OR1J2: variants seen among roughly 807,000 people sequenced by gnomAD.
OR1J2 encodes the protein olfactory receptor family 1 subfamily J member 2.
For missense variants in OR1J2, 304 were observed against 246.1 expected, an observed-to-expected ratio of 1.24 and a Z score of -1.57; for synonymous variants, 142 against 99.7, an observed-to-expected ratio of 1.42 and a Z score of -2.52.
At chr9:122,512,071 A>C (rs1222984420), downstream of OR1J2, among the ~76,000 whole-genome samples, 1 of 152,204 alleles carries the variant, frequency 6.6e-6, no homozygotes, top group Non-Finnish European at 1.5e-5. Flanking sequence ...CTATAATCCC[A>C]GGCTTTAACA....
chr9:122,485,413 G>A, the OR1J2 span, among the ~76,000 whole-genome samples: 20 of 152,200 alleles, frequency 1.3e-4, 1 homozygote. Flanking sequence ...TGTAGAAAAT[G>A]AGTGATAGAA....
chr9:122,539,684 C>T, the OR1J2 span, among the ~76,000 whole-genome samples: 11 of 152,234 alleles, frequency 7.2e-5, no homozygotes, highest in East Asian at 7.7e-4. Context: ...CCTGAGGAAT[C>T]GCCACACTGA....
chr9:122,571,016 T>A, the OR1J2 span, among the ~76,000 whole-genome samples: 1 of 152,204 alleles, frequency 6.6e-6, no homozygotes, highest in Non-Finnish European at 1.5e-5. Context: ...CCTCTTCATA[T>A]TTTGGTAAAG....
At chr9:122,484,036 C>T in the OR1J2 span, among the ~76,000 whole-genome samples, 1 of 151,428 alleles carries the variant, frequency 6.6e-6, no homozygotes, top group African/African-American at 2.4e-5. Context: ...AAAAGCATGG[C>T]TTCATGAAGT....
the OR1J2 span, among the ~76,000 whole-genome samples, chr9:122,565,267 C>G: frequency 6.6e-6 from 1 of 152,140 alleles, no homozygotes. Context: ...GTGAATAGAC[C>G]TCTATGAATG....
the OR1J2 span, among the ~76,000 whole-genome samples, chr9:122,463,931 A>C: frequency 6.6e-6 from 1 of 152,230 alleles, no homozygotes; most frequent in African/African-American, 2.4e-5. Flanking sequence ...TTTCAAGAGC[A>C]CATGAGCTAC....
At chr9:122,484,920 G>A in the OR1J2 span, among the ~76,000 whole-genome samples, 1 of 152,100 alleles carries the variant, frequency 6.6e-6, no homozygotes, top group African/African-American at 2.4e-5. Context: ...TGTGGTCCCA[G>A]CTACTCAGGA....
chr9:122,543,348 A>T, the OR1J2 span, among the ~76,000 whole-genome samples: 1 of 152,142 alleles, frequency 6.6e-6, no homozygotes, highest in Admixed American at 6.5e-5. Context: ...GACCATAGGC[A>T]TGTGCTACCA....
chr9:122,514,025 C>T (rs1828669971), downstream of OR1J2, among the ~76,000 whole-genome samples: 1 of 152,078 alleles, frequency 6.6e-6, no homozygotes. Flanking sequence ...GAAATGCAAA[C>T]ATGGTGACAA....
At chr9:122,460,702 C>T in the OR1J2 span, among the ~76,000 whole-genome samples, 15 of 152,048 alleles carry the variant, frequency 9.9e-5, no homozygotes, top group East Asian at 1.7e-3. Flanking sequence ...TTGCTTTGGG[C>T]GGTATGGTCA....
the OR1J2 span, among the ~76,000 whole-genome samples, chr9:122,564,405 G>A: frequency 6.6e-6 from 1 of 152,102 alleles, no homozygotes; most frequent in Non-Finnish European, 1.5e-5. Context: ...TTGTGGAGTG[G>A]GGGGGTATTA....
the OR1J2 span, chr9:122,578,299 A>C: frequency 0.14 from 20,607 of 152,072 alleles, 1,519 homozygotes; most frequent in Middle Eastern, 0.21. Flanking sequence ...AAATACAAAA[A>C]TTAGCTGGTC....
the OR1J2 span, among the ~76,000 whole-genome samples, chr9:122,564,984 G>A: frequency 6.6e-6 from 1 of 152,178 alleles, no homozygotes. Flanking sequence ...TCATTGGTAG[G>A]ACATTTGTGT....
chr9:122,469,301 G>A, the OR1J2 span, among the ~76,000 whole-genome samples: 1 of 152,138 alleles, frequency 6.6e-6, no homozygotes, highest in East Asian at 1.9e-4. Flanking sequence ...ATCATGGGGA[G>A]CAGTTTCCCC....
the OR1J2 span, among the ~76,000 whole-genome samples, chr9:122,450,952 A>G: frequency 8.6e-3 from 1,315 of 152,230 alleles, 7 homozygotes; most frequent in Middle Eastern, 0.054. Flanking sequence ...GTGATCCTTA[A>G]TGTAGTAACT....
the OR1J2 span, among the ~76,000 whole-genome samples, chr9:122,486,102 AG>A: frequency 6.6e-6 from 1 of 151,974 alleles, no homozygotes; most frequent in Admixed American, 6.6e-5. Flanking sequence ...CTGGGATTAC[AG>A]GTGCCCACTA....
chr9:122,451,034 A>G, the OR1J2 span, among the ~76,000 whole-genome samples: 1 of 152,090 alleles, frequency 6.6e-6, no homozygotes, highest in African/African-American at 2.4e-5. Context: ...TTCAATGAGC[A>G]GTTGGAATTC....
upstream of OR1J2, among the ~76,000 whole-genome samples, chr9:122,508,435 G>C (rs1295011574): frequency 6.6e-6 from 1 of 152,124 alleles, no homozygotes; most frequent in Non-Finnish European, 1.5e-5. Context: ...TCATTGGATG[G>C]ATAAGAGCCC....
chr9:122,450,715 A>G, the OR1J2 span, among the ~76,000 whole-genome samples: 1 of 152,132 alleles, frequency 6.6e-6, no homozygotes, highest in Non-Finnish European at 1.5e-5. Flanking sequence ...AACGGAAACT[A>G]TGTACCCTTT....
Sources: gnomAD v4.1 joint callset for allele counts (sites outside exome capture counted in the v4.1 genomes callset) on GRCh38, gnomAD v4.1.1 for gene constraint, MANE v1.5 for transcripts, NCBI Gene and HGNC (gene_info 2026-07-23, HGNC 2026-07-21) for gene names.